DMD: variants seen among roughly 807,000 people sequenced by gnomAD.
DMD encodes mutant dystrophin.
In DMD, 63 loss-of-function variants were observed where a neutral mutation model predicts 330.1. That is an observed-to-expected ratio of 0.19 (90% CI 0.16 to 0.24). The LOEUF is 0.24. Ranked by LOEUF, DMD falls within the 10% of genes least tolerant of loss-of-function variation. The pLI, the probability that DMD is intolerant of heterozygous loss-of-function variation, is 1.00. For missense variants in DMD, 3,344 were observed against 2,684.1 expected, an observed-to-expected ratio of 1.25 and a Z score of -5.43; for synonymous variants, 1,223 against 959.8, an observed-to-expected ratio of 1.27 and a Z score of -5.07.
chrX:32,843,389 C>T (rs771635914), intron 4 of DMD, among the ~76,000 whole-genome samples: 3 of 111,857 alleles, frequency 2.7e-5, no homozygotes, highest in Non-Finnish European at 5.6e-5. Flanking sequence ...ACAAGAAAAT[C>T]AGCTCATAGA....
chrX:32,687,530 C>CT (rs1490398497), intron 9 of DMD, among the ~76,000 whole-genome samples: 11 of 110,473 alleles, frequency 1.0e-4, no homozygotes, highest in African/African-American at 3.6e-4. Context: ...CTTTGGGTCA[C>CT]TTACTCTTGG....
chrX:33,031,586 C>T (rs905726486), intron 1 of DMD, among the ~76,000 whole-genome samples: 5 of 110,825 alleles, frequency 4.5e-5, no homozygotes, highest in Non-Finnish European at 7.5e-5. Context: ...GCCTGATCAA[C>T]GCAGTGAAGC....
At chrX:32,097,257 C>G (rs776286109) in intron 44 of DMD, among the ~76,000 whole-genome samples, 8 of 110,638 alleles carry the variant, frequency 7.2e-5, no homozygotes, top group East Asian at 2.9e-4. Flanking sequence ...CCTTGCCCCC[C>G]ACCTCGCGAC....
chrX:32,023,486 C>T (rs776784595), intron 44 of DMD, among the ~76,000 whole-genome samples: 35 of 111,511 alleles, frequency 3.1e-4, no homozygotes, highest in African/African-American at 1.1e-3. Context: ...AATAAAACTG[C>T]ACTTACAAAA....
intron 54 of DMD, among the ~76,000 whole-genome samples, chrX:31,630,714 C>A (rs1249417001): frequency 9.1e-6 from 1 of 110,412 alleles, no homozygotes; most frequent in East Asian, 2.8e-4. Flanking sequence ...GAAAAAAAAC[C>A]AAAGGTCTTG....
intron 60 of DMD, among the ~76,000 whole-genome samples, chrX:31,398,008 A>T (rs1163078514): frequency 8.9e-6 from 1 of 112,642 alleles, no homozygotes; most frequent in Non-Finnish European, 1.9e-5. Flanking sequence ...AACTTGACTT[A>T]TGTGCTAAGA....
intron 48 of DMD, among the ~76,000 whole-genome samples, chrX:31,840,476 T>C (rs1453731354): frequency 1.8e-5 from 2 of 109,776 alleles, no homozygotes; most frequent in Non-Finnish European, 3.8e-5. Flanking sequence ...AGTGGATATA[T>C]AGACACATGT....
intron 55 of DMD, among the ~76,000 whole-genome samples, chrX:31,601,329 T>C (rs1420572031): frequency 1.8e-5 from 2 of 112,288 alleles, no homozygotes; most frequent in Non-Finnish European, 3.8e-5. Context: ...ATTAACAGCA[T>C]ACTATATTGA....
At chrX:31,486,021 T>C (rs919093006) in intron 57 of DMD, among the ~76,000 whole-genome samples, 6 of 112,197 alleles carry the variant, frequency 5.3e-5, no homozygotes, top group Admixed American at 3.8e-4. Flanking sequence ...GAAAAGGTGA[T>C]AAACTCTTCC....
intron 44 of DMD, among the ~76,000 whole-genome samples, chrX:32,127,886 A>C (rs140598463): frequency 2.7e-5 from 3 of 112,267 alleles, no homozygotes; most frequent in African/African-American, 9.7e-5. Flanking sequence ...ATTATATGCT[A>C]TCATAGTAAG....
intron 1 of DMD, among the ~76,000 whole-genome samples, chrX:33,332,658 A>G (rs1314371831): frequency 2.7e-5 from 3 of 111,637 alleles, no homozygotes; most frequent in African/African-American, 6.5e-5. Flanking sequence ...TCTCCTTTCT[A>G]AAACAATTCA....
At chrX:32,751,750 G>A (rs961929755) in intron 7 of DMD, among the ~76,000 whole-genome samples, 1 of 112,051 alleles carries the variant, frequency 8.9e-6, no homozygotes, top group Non-Finnish European at 1.9e-5. Context: ...CTGGAGTTTA[G>A]GAGGAAAAAA....
intron 61 of DMD, among the ~76,000 whole-genome samples, chrX:31,331,443 A>G (rs1442696480): frequency 9.0e-6 from 1 of 111,278 alleles, no homozygotes; most frequent in East Asian, 2.8e-4. Context: ...ATGAAAAAAA[A>G]AAAGAAAAAA....
At chrX:32,580,619 T>TA (rs1391915956) in intron 13 of DMD, among the ~76,000 whole-genome samples, 11 of 111,807 alleles carry the variant, frequency 9.8e-5, no homozygotes, top group African/African-American at 1.6e-4. Context: ...GCTCAGTCGA[T>TA]AAAAAAATCA....
At chrX:31,680,979 C>T (rs1412698454) in intron 52 of DMD, among the ~76,000 whole-genome samples, 1 of 111,118 alleles carries the variant, frequency 9.0e-6, no homozygotes, top group African/African-American at 3.3e-5. Context: ...AAGCGTCACC[C>T]AACACCTCAT....
chrX:32,022,959 A>G (rs1280243177), intron 44 of DMD, among the ~76,000 whole-genome samples: 1 of 108,709 alleles, frequency 9.2e-6, no homozygotes, highest in African/African-American at 3.4e-5. Flanking sequence ...CAGCCTCCCG[A>G]GTAGCTGAGA....
chrX:32,543,768 T>C (rs1016853064), intron 17 of DMD, among the ~76,000 whole-genome samples: 3 of 111,812 alleles, frequency 2.7e-5, no homozygotes. Context: ...CTAATATTCA[T>C]AGAGTTTGAG....
At chrX:32,729,413 T>A (rs149781944) in intron 7 of DMD, among the ~76,000 whole-genome samples, 337 of 111,991 alleles carry the variant, frequency 3.0e-3, no homozygotes, top group African/African-American at 9.3e-3. Context: ...ACTTCAGCTT[T>A]GGAAACATTT....
At chrX:31,395,007 T>G (rs1285155503) in intron 60 of DMD, among the ~76,000 whole-genome samples, 1 of 105,362 alleles carries the variant, frequency 9.5e-6, no homozygotes, top group Non-Finnish European at 1.9e-5. Flanking sequence ...GGGTCCAGTA[T>G]TTCATCCTTC....
Sources: allele counts gnomAD v4.1 joint callset (sites outside exome capture counted in the v4.1 genomes callset), GRCh38; gene constraint gnomAD v4.1.1; transcripts MANE v1.5; gene names NCBI Gene and HGNC (gene_info 2026-07-23, HGNC 2026-07-21).